The following SCYL2 variants were observed in gnomAD, a reference collection of about 807,000 sequenced individuals.
SCYL2 encodes SCY1-like protein 2.
SCYL2 carries 36 observed loss-of-function variants against 100.4 expected under a neutral mutation model. That is an observed-to-expected ratio of 0.36 (90% CI 0.27 to 0.47). The LOEUF (loss-of-function observed/expected upper bound fraction) is 0.47. Ranked by LOEUF, SCYL2 falls within the 20% of genes least tolerant of loss-of-function variation. SCYL2 has a pLI of 1.00. For synonymous variants in SCYL2, 330 were observed against 359.2 expected (o/e 0.92, Z 0.92); for missense variants, 902 against 1,083.9 (o/e 0.83, Z 2.36).
intron 1 of SCYL2, among the ~76,000 whole-genome samples, chr12:100,270,567 T>C (rs147605744): frequency 6.6e-6 from 1 of 152,166 alleles, no homozygotes; most frequent in Admixed American, 6.5e-5. Flanking sequence ...TTACTTATTG[T>C]TTAAATTACT....
At chr12:100,325,906 T>C (rs905471979) in intron 11 of SCYL2, among the ~76,000 whole-genome samples, 3 of 152,244 alleles carry the variant, frequency 2.0e-5, no homozygotes, top group East Asian at 1.9e-4. Flanking sequence ...TGGAAATTTT[T>C]CCCCATTTTT....
At chr12:100,314,415 T>C in intron 7 of SCYL2, 74 bp from the exon 8 acceptor site, 1 of 1,095,228 alleles carries the variant, frequency 9.1e-7, no homozygotes, top group East Asian at 2.6e-5. Context: ...TTTTACCATA[T>C]TGTGACAGTT....
At chr12:100,274,059 T>TTTTCTACTGCTTACAAAA (rs1272047471) in intron 1 of SCYL2, among the ~76,000 whole-genome samples, 1 of 152,196 alleles carries the variant, frequency 6.6e-6, no homozygotes, top group African/African-American at 2.4e-5. Context: ...AGTAGCAACA[T>TTTTCTACTGCTTACAAAA]TTTCTAGCTG....
intron 3 of SCYL2, among the ~76,000 whole-genome samples, chr12:100,293,276 A>C (rs1022055597): frequency 6.6e-6 from 1 of 152,116 alleles, no homozygotes; most frequent in African/African-American, 2.4e-5. Flanking sequence ...GTCTCTTGTC[A>C]TAAAAATATT....
At chr12:100,281,852 A>G (rs184484496) in intron 1 of SCYL2, among the ~76,000 whole-genome samples, 47 of 151,666 alleles carry the variant, frequency 3.1e-4, no homozygotes, top group African/African-American at 1.1e-3. Context: ...AAAAAAAAAG[A>G]AAGTACAAAT....
In SCYL2 at chr12:100,298,132, A is replaced by G. The variant is rs2096323160; in HGVS notation, c.437A>G (p.Asp146Gly). ...LPSPISPDIKDYKLYDVETKY... is the reference protein window; with the variant it reads ...LPSPISPDIKGYKLYDVETKY... ...TCCCCTATATCTCCAGACATTAAGG[A>G]TTATAAACTTTATGATGTAGAAACC... Residue 146 changes from aspartate to glycine, a missense_variant, in exon 4 of 18, where the codon GAT becomes GGT. Physicochemically the swap from Asp to Gly is moderately conservative, Grantham distance 94 (BLOSUM62 -1). Coordinates refer to ENST00000360820, the MANE Select transcript of SCYL2 (RefSeq NM_017988.6). 6.3e-6 allele frequency: 10 copies of G among 1,595,284 alleles called. No individual in the cohort carries two copies. Among genetic ancestry groups the G allele is most frequent in the Non-Finnish European group, 8.5e-6 (10 of 1,169,906 alleles).
chr12:100,301,129 G>C (rs1034700893), intron 4 of SCYL2, among the ~76,000 whole-genome samples: 1 of 152,152 alleles, frequency 6.6e-6, no homozygotes. Context: ...GTGTACGAGG[G>C]TTCTATATTC....
At chr12:100,305,150 G>T (rs567995931) in intron 4 of SCYL2, among the ~76,000 whole-genome samples, 1 of 152,206 alleles carries the variant, frequency 6.6e-6, no homozygotes, top group South Asian at 2.1e-4. Flanking sequence ...TGGACTAAGT[G>T]GCCCAAATAA....
intron 6 of SCYL2, 75 bp downstream of exon 6, chr12:100,312,728 T>C (rs920289538): frequency 8.8e-6 from 9 of 1,017,364 alleles, no homozygotes; most frequent in African/African-American, 1.6e-5. Context: ...CAAAATGTGT[T>C]CAGGAAATTC....
intron 1 of SCYL2, among the ~76,000 whole-genome samples, chr12:100,272,477 C>T (rs1002754287): frequency 1.3e-5 from 2 of 152,074 alleles, no homozygotes; most frequent in Non-Finnish European, 2.9e-5. Flanking sequence ...TTTTTCAAGG[C>T]CATAGTCTAC....
chr12:100,298,147 A>G lies in SCYL2; in HGVS notation c.452A>G (p.Asp151Gly). The change falls in exon 4 of 18, where the codon GAT becomes GGT. Residue 151 changes from aspartate (D) to glycine (G), a missense_variant. By Grantham distance (94) the Asp-to-Gly change is moderately conservative. Transcript: ENST00000360820. ...SPDIKDYKLY[D>G]VETKYGLLQV... ...GACATTAAGGATTATAAACTTTATG[A>G]TGTAGAAACCAAATATGGTTTGCTT... is the stretch of plus-strand genomic sequence containing the variant. 6.3e-7 allele frequency: 1 copy of G among 1,577,680 alleles called. No individual in the cohort carries two copies. Among genetic ancestry groups the G allele is most frequent in the East Asian group, 2.3e-5 (1 of 43,514 alleles).
At chr12:100,316,307 A>G (rs1332386284) in intron 9 of SCYL2, among the ~76,000 whole-genome samples, 1 of 152,224 alleles carries the variant, frequency 6.6e-6, no homozygotes, top group African/African-American at 2.4e-5. Context: ...TGTTGGATTT[A>G]AGAGCAGTAG....
chr12:100,295,584 A>G (rs546096617), intron 3 of SCYL2, among the ~76,000 whole-genome samples: 2 of 151,860 alleles, frequency 1.3e-5, no homozygotes, highest in Admixed American at 1.3e-4. Flanking sequence ...CTGCAATCGC[A>G]GGCACTCGGC....
chr12:100,336,017 G>GTCAA, intron 16 of SCYL2, 111 bp downstream of exon 16: 1 of 751,220 alleles, frequency 1.3e-6, no homozygotes, highest in Admixed American at 2.6e-5. Context: ...AGAAACATTT[G>GTCAA]TAATTATCTT....
At chr12:100,325,714 A>G (rs1259643091) in intron 11 of SCYL2, among the ~76,000 whole-genome samples, 3 of 152,186 alleles carry the variant, frequency 2.0e-5, no homozygotes, top group African/African-American at 7.2e-5. Context: ...TATATATCCT[A>G]AAAGTAAATA....
intron 11 of SCYL2, among the ~76,000 whole-genome samples, chr12:100,325,593 T>G (rs1010433998): frequency 1.3e-5 from 2 of 152,150 alleles, no homozygotes; most frequent in African/African-American, 4.8e-5. Flanking sequence ...CGTGAGTTAG[T>G]ATTGTGTCTT....
chr12:100,315,784 G>A, intron 9 of SCYL2, 50 bp downstream of exon 9: 2 of 1,402,372 alleles, frequency 1.4e-6, no homozygotes, highest in African/African-American at 1.4e-5. Context: ...TTATGATTGT[G>A]ACTATCACTG....
chr12:100,305,874 A>AATATAGTATGCAAATAAC (rs1379055945), intron 4 of SCYL2, among the ~76,000 whole-genome samples: 5 of 152,144 alleles, frequency 3.3e-5, no homozygotes, highest in Non-Finnish European at 7.4e-5. Flanking sequence ...AATACTATAA[A>AATATAGTATGCAAATAAC]TCCTTCTATG....
At chr12:100,334,376 C>A in intron 14 of SCYL2, 110 bp downstream of exon 14, 1 of 714,140 alleles carries the variant, frequency 1.4e-6, no homozygotes, top group Non-Finnish European at 2.5e-6. Context: ...TAAATTTGAC[C>A]ACATGTAAAA....
Sources: gnomAD v4.1 joint callset for allele counts (sites outside exome capture counted in the v4.1 genomes callset) on GRCh38, gnomAD v4.1.1 for gene constraint, MANE v1.5 for transcripts, NCBI Gene and HGNC (gene_info 2026-07-23, HGNC 2026-07-21) for gene names.